The following NCOR2 variants were observed in gnomAD, a reference collection of about 807,000 sequenced individuals.
NCOR2 encodes CTG repeat protein 26.
Under a neutral mutation model 262.9 loss-of-function variants are expected in NCOR2, and 81 were observed. The observed-to-expected ratio is 0.31, with a 90% CI of 0.26 to 0.37. NCOR2 has a LOEUF of 0.37. Ranked by LOEUF, NCOR2 falls within the 10% of genes least tolerant of loss-of-function variation. The probability of loss-of-function intolerance (pLI) is 1.00; values close to 1 mark genes in which losing one functional copy is unlikely to be tolerated. For missense variants in NCOR2, 3,385 were observed against 3,621.4 expected (o/e 0.93, Z 1.68); for synonymous variants, 1,659 against 1,559.3 (o/e 1.06, Z -1.51).
intron 10 of NCOR2, 110 bp downstream of exon 12, chr12:124,429,503 A>G: frequency 8.4e-7 from 1 of 1,189,194 alleles, no homozygotes. Flanking sequence ...TCGGTGGCAA[A>G]GCCCCTCGAC....
intron 16 of NCOR2, among the ~76,000 whole-genome samples, chr12:124,396,888 G>A: frequency 6.6e-6 from 1 of 152,214 alleles, no homozygotes; most frequent in East Asian, 1.9e-4. Flanking sequence ...TTGCTATAAA[G>A]GGCCTTTGTT....
In NCOR2 at chr12:124,473,094, G is replaced by A; in HGVS notation, c.449C>T (p.Pro150Leu). The A allele has an allele frequency of 6.2e-7, 1 of 1,614,004 alleles. No homozygotes were observed. The highest frequency in any genetic ancestry group is 8.5e-7 in the Non-Finnish European group (1 of 1,180,042). The stretch of plus-strand genomic sequence containing the variant: ...AGGGTCAGTGTGCGGGGGGCTGGGG[G>A]GAGACACCGGTTCCAGCTTGCCCGT... Residue 150 changes from proline to leucine, a missense_variant, in exon 4 of 47, where the codon CCC (proline) becomes CTC (leucine). By Grantham distance (98) the Pro-to-Leu change is moderately conservative (BLOSUM62 -3). Coordinates refer to ENST00000405201, the Ensembl canonical transcript of NCOR2.
intron 4 of NCOR2, among the ~76,000 whole-genome samples, chr12:124,471,010 T>C (rs75797911): frequency 2.0e-5 from 3 of 152,182 alleles, no homozygotes; most frequent in Non-Finnish European, 4.4e-5. Context: ...TGGCAATGCC[T>C]GCCCACGCCG....
At chr12:124,343,980 T>A (rs1379707892) in intron 32 of NCOR2, among the ~76,000 whole-genome samples, 2 of 151,936 alleles carry the variant, frequency 1.3e-5, no homozygotes, top group African/African-American at 2.4e-5. Flanking sequence ...AGATAGGGGG[T>A]CTGGTTAGAA....
rs2044979622 is a variant in NCOR2 at position 124,443,859 on chromosome 12, A to G, written c.816-5863T>C. Among the ~76,000 whole-genome samples, 1 of 152,112 alleles carries G rather than the reference A, an allele frequency of 6.6e-6. No homozygotes were observed. Among genetic ancestry groups the G allele is most frequent in the African/African-American group, 2.4e-5 (1 of 41,414 alleles). ...ACTGAAAACCAGAGGCTGTTACACA[A>G]AAAGCCAAACCTAAAGCTTCTCTTG... On this transcript the variant is annotated intron_variant, in intron 7 of 46. Coordinates refer to ENST00000405201, the Ensembl canonical transcript of NCOR2. This position sits in a 1 kb window ranked among gnomAD's most constrained non-coding sequence, Gnocchi z 4.4.
rs1051640700 is a variant in NCOR2 at position 124,457,013 on chromosome 12, A to C, written c.762+93T>G. On this transcript the variant is annotated intron_variant, in intron 6 of 46. Transcript: ENST00000405201. This position sits in a 1 kb window ranked among gnomAD's most constrained non-coding sequence, Gnocchi z 4.0. ...CCTGGGCAGCGCTTGGTAATAGATGACTTCCTCCTCCGCCGCACCCTCCCG... is the reference window on the plus strand; with the variant it reads ...CCTGGGCAGCGCTTGGTAATAGATGCCTTCCTCCTCCGCCGCACCCTCCCG... 5.6e-6 allele frequency: 6 copies of C among 1,073,126 alleles called. No homozygotes were observed. The highest frequency in any genetic ancestry group is 7.5e-6 in the Non-Finnish European group (6 of 797,466). 66.5% of individuals were successfully genotyped at this position (1,073,126 alleles called of 1,614,324 possible).
Position 124,387,730 on chromosome 12 carries a change from G to A in NCOR2, c.1877-1843C>T, listed in dbSNP as rs1274417996. ...ACCTTTCCCTCCGCCCGCGCCAGCAGCAGCTGCCACTTCCAGAACCTGGCG... is the reference window on the plus strand; with the variant it reads ...ACCTTTCCCTCCGCCCGCGCCAGCAACAGCTGCCACTTCCAGAACCTGGCG... On this transcript the variant is annotated intron_variant, in intron 16 of 46. Transcript: ENST00000405201. Among the ~76,000 whole-genome samples, 9 of 152,384 alleles carry A rather than the reference G, an allele frequency of 5.9e-5. No homozygotes were observed. The East Asian group carries it at 1.7e-3, about 29-fold the overall frequency.
At chr12:124,428,240 G>C (rs1038973431) in intron 10 of NCOR2, among the ~76,000 whole-genome samples, 19 of 151,054 alleles carry the variant, frequency 1.3e-4, no homozygotes, top group African/African-American at 1.7e-4. Context: ...GGTGAGACAG[G>C]GGCTGACACG....
intron 1 of NCOR2, among the ~76,000 whole-genome samples, chr12:124,543,469 C>T (rs377683327): frequency 8.4e-4 from 128 of 152,366 alleles, no homozygotes; most frequent in African/African-American, 3.0e-3. Flanking sequence ...CCAGGTCACA[C>T]AGCCAGTGAG....
At chr12:124,437,592 CCT>C (rs2136405433) in intron 8 of NCOR2, among the ~76,000 whole-genome samples, 1 of 152,306 alleles carries the variant, frequency 6.6e-6, no homozygotes, top group Non-Finnish European at 1.5e-5. Flanking sequence ...TGATCCTCCA[CCT>C]CTCTCCAAAA....
At chr12:124,563,332 G>A (rs987115150) in intron 1 of NCOR2, among the ~76,000 whole-genome samples, 1 of 152,256 alleles carries the variant, frequency 6.6e-6, no homozygotes, top group African/African-American at 2.4e-5. Flanking sequence ...CTGGAGCCAA[G>A]TGGGCAGGGC....
At chr12:124,425,045 C>T (rs1361074026) in intron 11 of NCOR2, among the ~76,000 whole-genome samples, 5 of 152,218 alleles carry the variant, frequency 3.3e-5, no homozygotes, top group Non-Finnish European at 5.9e-5. Flanking sequence ...GCTTTAAATG[C>T]GGCCCAATAC....
At chr12:124,358,213 CATGTGT>C (rs1241267267) in intron 22 of NCOR2, among the ~76,000 whole-genome samples, 1 of 143,770 alleles carries the variant, frequency 7.0e-6, no homozygotes, top group Non-Finnish European at 1.5e-5. Flanking sequence ...CGTGCATGTG[CATGTGT>C]GTGTGAGTGC....
intron 19 of NCOR2, 131 bp downstream of exon 21, chr12:124,374,282 G>C: frequency 1.1e-6 from 1 of 905,198 alleles, no homozygotes; most frequent in Non-Finnish European, 1.7e-6. Context: ...CAGAGGCCGC[G>C]GAGCACAAAC....
At chr12:124,501,219 C>A (rs1356611056) in intron 1 of NCOR2, among the ~76,000 whole-genome samples, 1 of 152,164 alleles carries the variant, frequency 6.6e-6, no homozygotes, top group South Asian at 2.1e-4. Flanking sequence ...CCTGGCCCTG[C>A]GAAGACAGGC....
chr12:124,335,380 T>C, intron 39 of NCOR2, 100 bp from the exon 42 acceptor site: 4 of 1,507,680 alleles, frequency 2.7e-6, no homozygotes, highest in Non-Finnish European at 3.5e-6. Flanking sequence ...ATCCAGCCAA[T>C]TCCTTGGCCT....
chr12:124,369,544 T>G (rs1157582058), intron 20 of NCOR2, among the ~76,000 whole-genome samples: 1 of 151,760 alleles, frequency 6.6e-6, no homozygotes, highest in Admixed American at 6.5e-5. Context: ...CTCGTCCGCG[T>G]CCTCCAGCGT....
chr12:124,402,646 G>C (rs1242496021), intron 13 of NCOR2, 85 bp from the exon 16 acceptor site: 1 of 1,532,682 alleles, frequency 6.5e-7, no homozygotes, highest in Non-Finnish European at 8.7e-7. Flanking sequence ...GGCTCAGCCT[G>C]AGCTGGGGGA....
chr12:124,460,398 G>C (rs1419914930), intron 5 of NCOR2, among the ~76,000 whole-genome samples: 1 of 152,212 alleles, frequency 6.6e-6, no homozygotes, highest in African/African-American at 2.4e-5. Flanking sequence ...AGCTGGCCCA[G>C]GGCCTCCCTG....
Sources: gnomAD v4.1 joint callset for allele counts (sites outside exome capture counted in the v4.1 genomes callset) on GRCh38, gnomAD v4.1.1 for gene constraint, Gnocchi (gnomAD v3.1) non-coding constraint, MANE v1.5 for transcripts, NCBI Gene and HGNC (gene_info 2026-07-23, HGNC 2026-07-21) for gene names.